The following NEK6 variants were observed in gnomAD, a reference collection of about 807,000 sequenced individuals.
The protein encoded by NEK6 is NIMA related kinase 6.
NEK6 carries 27 observed loss-of-function variants against 43.5 expected under a neutral mutation model. The observed-to-expected ratio is 0.62, with a 90% CI of 0.46 to 0.86. NEK6 has a LOEUF of 0.86. Among genes scored for constraint, NEK6 ranks in the 40% least tolerant of loss-of-function variants. The probability of loss-of-function intolerance (pLI) is 0.00; values close to 1 mark genes in which losing one functional copy is unlikely to be tolerated. For synonymous variants in NEK6, 167 were observed against 164.1 expected (o/e 1.02, Z -0.14); for missense variants, 318 against 414.4 (o/e 0.77, Z 2.02).
chr9:124,305,952 G>T (rs868357492), intron 2 of NEK6, among the ~76,000 whole-genome samples: 1 of 152,240 alleles, frequency 6.6e-6, no homozygotes, highest in Non-Finnish European at 1.5e-5. Flanking sequence ...AATTGAATCT[G>T]TAGCAAATGA....
chr9:124,301,848 C>T (rs982224216), intron 1 of NEK6, 88 bp from the exon 2 acceptor site: 11 of 1,070,718 alleles, frequency 1.0e-5, no homozygotes, highest in African/African-American at 1.6e-5. Flanking sequence ...CCTCAGCTCA[C>T]GCATCTGTAA....
chr9:124,334,663 G>C (rs1434471283), intron 7 of NEK6, among the ~76,000 whole-genome samples: 1 of 152,238 alleles, frequency 6.6e-6, no homozygotes, highest in Non-Finnish European at 1.5e-5. Flanking sequence ...GCTCTCCCTG[G>C]CCAGGGGAGG....
chr9:124,287,896 G>C (rs1308436831), intron 1 of NEK6, among the ~76,000 whole-genome samples: 1 of 152,214 alleles, frequency 6.6e-6, no homozygotes, highest in Non-Finnish European at 1.5e-5. Flanking sequence ...GTGATCATGA[G>C]GCACAATCGT....
At chr9:124,346,129 G>A (rs1829913456) in intron 8 of NEK6, among the ~76,000 whole-genome samples, 1 of 152,186 alleles carries the variant, frequency 6.6e-6, no homozygotes, top group Non-Finnish European at 1.5e-5. Flanking sequence ...CCCACCTGAA[G>A]GCACTTGGCC....
At chr9:124,337,671 C>T (rs960535149) in intron 7 of NEK6, among the ~76,000 whole-genome samples, 2 of 152,196 alleles carry the variant, frequency 1.3e-5, no homozygotes, top group African/African-American at 4.8e-5. Context: ...ACATTTGTTT[C>T]CAGTTTTTGC....
Position 124,275,271 on chromosome 9 carries a change from C to G in NEK6, c.-30+17186C>G, listed in dbSNP as rs1831607725. Among the ~76,000 whole-genome samples the G allele has an allele frequency of 1.3e-5, 2 of 152,176 alleles. No individual in the cohort carries two copies. Among genetic ancestry groups the G allele is most frequent in the South Asian group, 4.1e-4 (2 of 4,832 alleles). On this transcript the variant is annotated intron_variant, in intron 1 of 9. Transcript: ENST00000320246. The surrounding 1 kb of genome is among the most constrained non-coding windows in gnomAD (Gnocchi z 4.4). ...GATGTAGGTGCCCACTTATTTAAAC[C>G]AGGGCCATTTCATCCACGTCACTAA...
chr9:124,325,271 C>A (rs981126299), intron 5 of NEK6, among the ~76,000 whole-genome samples: 3 of 152,192 alleles, frequency 2.0e-5, no homozygotes, highest in Non-Finnish European at 2.9e-5. Context: ...CCCTCAGTTT[C>A]GTTTCCCTGT....
At chr9:124,331,875 C>T (rs530744799) in intron 7 of NEK6, among the ~76,000 whole-genome samples, 35 of 152,378 alleles carry the variant, frequency 2.3e-4, no homozygotes, top group African/African-American at 7.7e-4. Flanking sequence ...CCAGCCCCAC[C>T]CTGCGTCCCA....
At chr9:124,328,407 A>G (rs1828783652) in intron 7 of NEK6, among the ~76,000 whole-genome samples, 1 of 152,028 alleles carries the variant, frequency 6.6e-6, no homozygotes, top group South Asian at 2.1e-4. Flanking sequence ...TCTCAGGGCT[A>G]TTTCCTGGCT....
At chr9:124,288,856 C>G (rs1435770493) in intron 1 of NEK6, among the ~76,000 whole-genome samples, 1 of 152,200 alleles carries the variant, frequency 6.6e-6, no homozygotes, top group African/African-American at 2.4e-5. Context: ...CACAGCCTGG[C>G]CTGCTCTTCT....
chr9:124,263,013 C>T (rs944887093), intron 1 of NEK6: 2 of 152,220 alleles, frequency 1.3e-5, no homozygotes, highest in Admixed American at 1.3e-4. Flanking sequence ...CGCGTTCTTA[C>T]TGCAGGTGAG....
Position 124,324,397 on chromosome 9 carries a change from C to T in NEK6, c.406-1933C>T, listed in dbSNP as rs544550324. Among the ~76,000 whole-genome samples, 42 of 152,304 alleles carry T rather than the reference C, an allele frequency of 2.8e-4. No homozygotes were observed. Among genetic ancestry groups the T allele is most frequent in the African/African-American group, 8.2e-4 (34 of 41,558 alleles). On this transcript the variant is annotated intron_variant, in intron 5 of 9. Coordinates refer to ENST00000320246, the MANE Select transcript of NEK6 (RefSeq NM_014397.6). The surrounding 1 kb of genome is among the most constrained non-coding windows in gnomAD (Gnocchi z 5.3). ...GCCTGCAGCCTCAAGGGCTGAGCTGCGCCATCACAGCCATGGTGCCCGAGT... is the reference window on the plus strand; with the variant it reads ...GCCTGCAGCCTCAAGGGCTGAGCTGTGCCATCACAGCCATGGTGCCCGAGT...
At chr9:124,311,833 G>A (rs949123713) in intron 2 of NEK6, among the ~76,000 whole-genome samples, 4 of 152,216 alleles carry the variant, frequency 2.6e-5, no homozygotes, top group Non-Finnish European at 5.9e-5. Flanking sequence ...GGAATTATAG[G>A]CATGGGCCAC....
chr9:124,291,770 G>A (rs552402739), intron 1 of NEK6: 95 of 963,294 alleles, frequency 9.9e-5, no homozygotes, highest in African/African-American at 2.6e-4. Context: ...TGGTCTAATC[G>A]GGTGGTGCTG....
At position 124,350,980 on chromosome 9, in the gene NEK6, A is replaced by G; in HGVS notation, c.*33A>G. ...TGCACCGTGCCTTATCAAAGCCAGC[A>G]CCACTTTGCCTTACTTGAGTCGTCT... On this transcript the variant is annotated 3_prime_UTR_variant, in exon 10 of 10. Coordinates refer to ENST00000320246, the MANE Select transcript of NEK6 (RefSeq NM_014397.6). The G allele has an allele frequency of 2.7e-6, 4 of 1,505,546 alleles. No individual in the cohort carries two copies. The highest frequency in any genetic ancestry group is 3.7e-6 in the Non-Finnish European group (4 of 1,091,280). 93.3% of individuals were successfully genotyped at this position (1,505,546 alleles called of 1,614,324 possible).
At chr9:124,321,663 C>T in intron 5 of NEK6, 94 bp downstream of exon 5, 1 of 861,198 alleles carries the variant, frequency 1.2e-6, no homozygotes, top group Middle Eastern at 3.0e-4. Flanking sequence ...AATGCTCTGC[C>T]TTTAGCCAGA....
intron 1 of NEK6, 139 bp from the exon 2 acceptor site, chr9:124,301,797 G>A (rs1832990970): frequency 8.6e-6 from 6 of 701,722 alleles, no homozygotes; most frequent in East Asian, 2.7e-5. Flanking sequence ...CTGCCACTTC[G>A]GAGCTGGGTG....
intron 1 of NEK6, among the ~76,000 whole-genome samples, chr9:124,263,567 T>C (rs1444358020): frequency 2.0e-5 from 3 of 152,202 alleles, no homozygotes; most frequent in African/African-American, 7.2e-5. Context: ...TCCCCAAGAT[T>C]ACATGAGAGA....
intron 1 of NEK6, among the ~76,000 whole-genome samples, chr9:124,283,134 C>T (rs917083769): frequency 6.6e-6 from 1 of 152,262 alleles, no homozygotes; most frequent in Non-Finnish European, 1.5e-5. Flanking sequence ...CTGAGCCCCA[C>T]TTCTCTCCTG....
Sources: gnomAD v4.1 joint callset for allele counts (sites outside exome capture counted in the v4.1 genomes callset) on GRCh38, gnomAD v4.1.1 for gene constraint, Gnocchi (gnomAD v3.1) non-coding constraint, MANE v1.5 for transcripts, NCBI Gene and HGNC (gene_info 2026-07-23, HGNC 2026-07-21) for gene names.